Variants in GPR143 observed in about 807,000 individuals in gnomAD.
GPR143 encodes the protein G-protein coupled receptor 143.
GPR143 carries 8 observed loss-of-function variants against 27.6 expected under a neutral mutation model. The ratio of observed to expected loss-of-function variants is 0.29; its 90% CI spans 0.17 to 0.52. GPR143 has a LOEUF of 0.52. GPR143 is among the 20% of genes least tolerant of loss of function. The pLI, the probability that GPR143 is intolerant of heterozygous loss-of-function variation, is 0.96. For synonymous variants in GPR143, 156 were observed against 153.2 expected (o/e 1.02, Z -0.13); for missense variants, 303 against 343.1 (o/e 0.88, Z 0.92).
intron 8 of GPR143, among the ~76,000 whole-genome samples, chrX:9,734,292 G>A (rs1264635183): frequency 9.1e-6 from 1 of 110,456 alleles, no homozygotes; most frequent in Non-Finnish European, 1.9e-5. Flanking sequence ...TGGAACTCTG[G>A]GAGAAATACA....
At chrX:9,770,323 A>AGAGAGAGAGAGAGAGAGAGAGAG (rs2083549800), upstream of GPR143, among the ~76,000 whole-genome samples, 66 of 88,951 alleles carry the variant, frequency 7.4e-4, 1 homozygote, top group African/African-American at 3.0e-3. Flanking sequence ...AAGAAAGAAA[A>AGAGAGAGAGAGAGAGAGAGAGAG]AGAGAGAGAG....
intron 3 of GPR143, among the ~76,000 whole-genome samples, chrX:9,749,256 G>A (rs1346648804): frequency 5.0e-5 from 4 of 79,607 alleles, no homozygotes; most frequent in Non-Finnish European, 8.9e-5. Context: ...GCCCCCAATC[G>A]CTCGGCTGCC....
At chrX:9,727,653 A>C (rs752022898) in intron 8 of GPR143, among the ~76,000 whole-genome samples, 17 of 112,926 alleles carry the variant, frequency 1.5e-4, no homozygotes, top group African/African-American at 5.5e-4. Context: ...TCCAATCCCC[A>C]AATATCCTAG....
intron 5 of GPR143, among the ~76,000 whole-genome samples, chrX:9,745,568 C>A (rs2083424945): frequency 8.9e-6 from 1 of 111,936 alleles, no homozygotes; most frequent in Admixed American, 9.4e-5. Context: ...CTTCATTACT[C>A]TTATCCTTTT....
At chrX:9,762,718 C>T (rs965518619) in intron 1 of GPR143, among the ~76,000 whole-genome samples, 7 of 111,768 alleles carry the variant, frequency 6.3e-5, no homozygotes, top group Non-Finnish European at 1.3e-4. Context: ...AAAACAATGC[C>T]TTTCTTCTGT....
At chrX:9,755,216 G>C (rs939582218) in intron 3 of GPR143, among the ~76,000 whole-genome samples, 3 of 111,150 alleles carry the variant, frequency 2.7e-5, no homozygotes, top group Admixed American at 9.6e-5. Flanking sequence ...TCAGGAGTTC[G>C]AGACCAGCCT....
chrX:9,764,323 G>A (rs1461460967), intron 1 of GPR143, among the ~76,000 whole-genome samples: 1 of 111,314 alleles, frequency 9.0e-6, no homozygotes, highest in African/African-American at 3.3e-5. Flanking sequence ...TAAAAAGTAG[G>A]ATGTAAAACC....
intron 8 of GPR143, among the ~76,000 whole-genome samples, chrX:9,736,153 C>T (rs959020269): frequency 7.2e-5 from 8 of 110,550 alleles, no homozygotes; most frequent in African/African-American, 2.6e-4. Flanking sequence ...GGCAAGTGGC[C>T]CCAGAGACAT....
At chrX:9,770,323 AAGAGAGAGAGAGAGAGAG>A (rs201287124), upstream of GPR143, among the ~76,000 whole-genome samples, 2 of 89,001 alleles carry the variant, frequency 2.2e-5, no homozygotes, top group Non-Finnish European at 2.1e-5. Flanking sequence ...AAGAAAGAAA[AAGAGAGAGAGAGAGAGAG>A]AGAGAGAGAG....
chrX:9,728,412 AATT>A (rs1464397557), intron 8 of GPR143, among the ~76,000 whole-genome samples: 2 of 107,314 alleles, frequency 1.9e-5, no homozygotes, highest in Non-Finnish European at 3.8e-5. Flanking sequence ...AAAAAAAAAA[AATT>A]AGAGTTATAT....
intron 6 of GPR143, 58 bp from the exon 7 acceptor site, chrX:9,741,513 A>G: frequency 6.7e-6 from 4 of 592,706 alleles, no homozygotes; most frequent in Non-Finnish European, 1.2e-5. Context: ...TCGTTTTTAA[A>G]TGCTGGAGAG....
intron 8 of GPR143, among the ~76,000 whole-genome samples, chrX:9,737,297 T>C (rs1054778132): frequency 7.2e-5 from 8 of 111,612 alleles, no homozygotes; most frequent in Non-Finnish European, 1.3e-4. Context: ...CACTTCAGCC[T>C]GGACAACAGA....
intron 8 of GPR143, among the ~76,000 whole-genome samples, chrX:9,734,080 C>CAAAAAAAA (rs34722888): frequency 1.7e-5 from 1 of 57,888 alleles, no homozygotes; most frequent in African/African-American, 5.8e-5. Flanking sequence ...AACTCTGTCT[C>CAAAAAAAA]AAAAAAAAAA....
intron 7 of GPR143, chrX:9,740,753 CT>C (rs374177494): frequency 0.16 from 33,625 of 214,840 alleles, 274 homozygotes; most frequent in East Asian, 0.23. Context: ...TTCTTTCTTT[CT>C]TTTTTTTTTT....
chrX:9,778,499 AAGAG>A (rs758549489), intron 1 of GPR143, among the ~76,000 whole-genome samples: 1 of 110,281 alleles, frequency 9.1e-6, no homozygotes, highest in Non-Finnish European at 1.9e-5. Flanking sequence ...AAGGAGAAAA[AAGAG>A]AGAGATAGGT....
chrX:9,752,444 T>G (rs1353997233), intron 3 of GPR143, among the ~76,000 whole-genome samples: 2 of 112,119 alleles, frequency 1.8e-5, no homozygotes, highest in African/African-American at 6.5e-5. Context: ...GTCCCTGTCC[T>G]AATTTCTGGA....
intron 1 of GPR143, among the ~76,000 whole-genome samples, chrX:9,777,317 G>C (rs1193779315): frequency 3.6e-5 from 4 of 112,080 alleles, no homozygotes; most frequent in Non-Finnish European, 7.5e-5. Flanking sequence ...TGAGGTGGTA[G>C]GATGGCTTCA....
At chrX:9,755,362 G>A (rs958135739) in intron 3 of GPR143, among the ~76,000 whole-genome samples, 3 of 111,365 alleles carry the variant, frequency 2.7e-5, no homozygotes, top group African/African-American at 9.8e-5. Flanking sequence ...AGGTTGCAGT[G>A]AGCCAAGATC....
intron 8 of GPR143, among the ~76,000 whole-genome samples, chrX:9,731,787 T>G: frequency 1.4e-5 from 1 of 72,181 alleles, no homozygotes; most frequent in African/African-American, 4.9e-5. Context: ...TTGTGGGCAA[T>G]ATAAGGAATT....
Sources: gnomAD v4.1 joint callset for allele counts (sites outside exome capture counted in the v4.1 genomes callset) on GRCh38, gnomAD v4.1.1 for gene constraint, MANE v1.5 for transcripts, NCBI Gene and HGNC (gene_info 2026-07-23, HGNC 2026-07-21) for gene names.